Variants in MACROD2 observed in about 807,000 individuals in gnomAD.
MACROD2 encodes mono-ADP ribosylhydrolase 2.
Under a neutral mutation model 70.4 loss-of-function variants are expected in MACROD2, and 36 were observed. That is an observed-to-expected ratio of 0.51 (90% CI 0.39 to 0.68). MACROD2 has a LOEUF of 0.68. Among genes scored for constraint, MACROD2 ranks in the 30% least tolerant of loss-of-function variants. The pLI is 0.00. For synonymous variants in MACROD2, 172 were observed against 178.8 expected (o/e 0.96, Z 0.30); for missense variants, 496 against 538.4 (o/e 0.92, Z 0.78).
intron 3 of MACROD2, among the ~76,000 whole-genome samples, chr20:14,490,298 C>T (rs930219418): frequency 1.3e-5 from 2 of 152,166 alleles, no homozygotes; most frequent in Non-Finnish European, 2.9e-5. Flanking sequence ...CCATATTTGA[C>T]ACTATCAAAT....
chr20:15,250,212 T>G (rs2077142984), intron 6 of MACROD2, among the ~76,000 whole-genome samples: 1 of 152,176 alleles, frequency 6.6e-6, no homozygotes, highest in Admixed American at 6.5e-5. Flanking sequence ...CCACACAGCT[T>G]AAGGTGCACT....
intron 6 of MACROD2, among the ~76,000 whole-genome samples, chr20:15,344,266 G>A (rs2078140257): frequency 6.6e-6 from 1 of 152,008 alleles, no homozygotes; most frequent in African/African-American, 2.4e-5. Context: ...ACTAGTTCAT[G>A]CTCTTTTCTC....
intron 12 of MACROD2, among the ~76,000 whole-genome samples, chr20:15,963,097 A>G (rs948770984): frequency 1.1e-4 from 17 of 152,228 alleles, no homozygotes; most frequent in Admixed American, 5.2e-4. Flanking sequence ...CAGAGATTCT[A>G]TAGAGCAGGC....
At chr20:14,043,069 TC>T (rs2053416430) in intron 2 of MACROD2, among the ~76,000 whole-genome samples, 1 of 152,066 alleles carries the variant, frequency 6.6e-6, no homozygotes, top group Non-Finnish European at 1.5e-5. Flanking sequence ...CAGGTTCACA[TC>T]ACCATGCCTG....
At chr20:15,911,189 C>T (rs540909430) in intron 10 of MACROD2, among the ~76,000 whole-genome samples, 100 of 152,222 alleles carry the variant, frequency 6.6e-4, no homozygotes, top group Non-Finnish European at 1.1e-3. Flanking sequence ...ACTCTGGGAC[C>T]GGGAGGTGCA....
chr20:15,414,561 C>T (rs1167279728), intron 6 of MACROD2, among the ~76,000 whole-genome samples: 24 of 152,164 alleles, frequency 1.6e-4, no homozygotes, highest in Admixed American at 1.6e-3. Context: ...ATGTGCTTAT[C>T]AGGATGAGAG....
At chr20:15,409,869 G>C (rs1486923271) in intron 6 of MACROD2, among the ~76,000 whole-genome samples, 2 of 152,116 alleles carry the variant, frequency 1.3e-5, no homozygotes, top group Non-Finnish European at 2.9e-5. Context: ...AGCTTTGAGG[G>C]GCCACGGGTG....
At chr20:15,891,039 C>T (rs991940296) in intron 10 of MACROD2, among the ~76,000 whole-genome samples, 1 of 152,048 alleles carries the variant, frequency 6.6e-6, no homozygotes, top group African/African-American at 2.4e-5. Flanking sequence ...AGGAGACATA[C>T]AATAAAGGGA....
chr20:15,583,930 C>T (rs1355297733), intron 8 of MACROD2, among the ~76,000 whole-genome samples: 1 of 152,258 alleles, frequency 6.6e-6, no homozygotes, highest in Non-Finnish European at 1.5e-5. Flanking sequence ...TAAGCCACAA[C>T]ACCCGGCCTG....
chr20:14,488,547 T>G (rs2084760247), intron 3 of MACROD2, among the ~76,000 whole-genome samples: 1 of 152,194 alleles, frequency 6.6e-6, no homozygotes, highest in Non-Finnish European at 1.5e-5. Context: ...CATGTTGTTT[T>G]CTATAACCAC....
At position 14,695,795 on chromosome 20, in the gene MACROD2, A is replaced by G. The variant is rs1312997154; in HGVS notation, c.418+10836A>G. ...CAGCCCTGGCTGACAGCTTGACTCCAACATCATGAAAGACCCTGAGCCAGA... is the reference window on the plus strand; with the variant it reads ...CAGCCCTGGCTGACAGCTTGACTCCGACATCATGAAAGACCCTGAGCCAGA... On this transcript the variant is annotated intron_variant, in intron 5 of 17. Coordinates refer to ENST00000684519, the MANE Select transcript of MACROD2 (RefSeq NM_001351661.2). Among the ~76,000 whole-genome samples the G allele has an allele frequency of 2.0e-5, 3 of 152,348 alleles. No individual in the cohort carries two copies. The East Asian group carries it at 5.8e-4, about 29-fold the overall frequency.
At chr20:14,830,925 T>A (rs1283431391) in intron 5 of MACROD2, among the ~76,000 whole-genome samples, 7 of 152,122 alleles carry the variant, frequency 4.6e-5, no homozygotes, top group African/African-American at 1.2e-4. Flanking sequence ...AAAATATATT[T>A]AAAAAAATAA....
chr20:14,886,517 A>G (rs2073677911), intron 5 of MACROD2, among the ~76,000 whole-genome samples: 2 of 152,150 alleles, frequency 1.3e-5, no homozygotes. Flanking sequence ...TTCACATCCC[A>G]AATCCTCCCA....
chr20:15,809,736 G>T (rs1336304451), intron 8 of MACROD2, among the ~76,000 whole-genome samples: 1 of 152,076 alleles, frequency 6.6e-6, no homozygotes, highest in Non-Finnish European at 1.5e-5. Context: ...AATTTGGAAA[G>T]GTCAAGCATC....
At chr20:14,491,099 G>A (rs1469476981) in intron 3 of MACROD2, among the ~76,000 whole-genome samples, 1 of 152,112 alleles carries the variant, frequency 6.6e-6, no homozygotes, top group Admixed American at 6.6e-5. Flanking sequence ...TCTGTAAAAT[G>A]GAAGAAGTAA....
chr20:15,422,750 G>T lies in MACROD2; in HGVS notation c.541-8655G>T, dbSNP rs144022610. Among the ~76,000 whole-genome samples the T allele has an allele frequency of 2.6e-5, 4 of 152,290 alleles. No homozygotes were observed. In the East Asian group the frequency reaches 7.7e-4, roughly 29 times the overall value. ...ACCTTTATCTTGAGCTATAGAGAAG[G>T]ATAAGAGGCTGTTTCATAGCATCAC... On this transcript the variant is annotated intron_variant, in intron 6 of 17. Transcript: ENST00000684519.
At position 14,869,928 on chromosome 20, in the gene MACROD2, A is replaced by G. The variant is rs147647044; in HGVS notation, c.418+184969A>G. Among the ~76,000 whole-genome samples, 30 of 152,258 alleles carry G rather than the reference A, an allele frequency of 2.0e-4. No homozygotes were observed. In the South Asian group the frequency reaches 3.1e-3, roughly 16 times the overall value. On this transcript the variant is annotated intron_variant, in intron 5 of 17. Coordinates refer to ENST00000684519, the MANE Select transcript of MACROD2 (RefSeq NM_001351661.2). ...TGCACCATACAACCATTCAGGAACCAGGGCTCATGGAGGCTCTGCTATTTT... is the reference window on the plus strand; with the variant it reads ...TGCACCATACAACCATTCAGGAACCGGGGCTCATGGAGGCTCTGCTATTTT...
At chr20:15,910,188 C>G (rs2065215002) in intron 10 of MACROD2, among the ~76,000 whole-genome samples, 1 of 152,136 alleles carries the variant, frequency 6.6e-6, no homozygotes, top group Non-Finnish European at 1.5e-5. Context: ...TTGCTGACTC[C>G]AAATTCTGTT....
rs2081351509 is a variant in MACROD2 at position 14,187,132 on chromosome 20, A to T, written c.271+101404A>T. ...AAGTTGAGAAAGAATGCAAAAGTTT[A>T]AAAAAGGAAAAAAAAAAAAAAAAAA... On this transcript the variant is annotated intron_variant, in intron 3 of 17. Coordinates refer to ENST00000684519, the MANE Select transcript of MACROD2 (RefSeq NM_001351661.2). Among the ~76,000 whole-genome samples the T allele has an allele frequency of 3.1e-5, 4 of 129,590 alleles. No individual in the cohort carries two copies. The Admixed American group carries it at 3.4e-4, about 11-fold the overall frequency. The allele number at this position is 129,590 out of a possible 152,430, so 85.0% of individuals were successfully genotyped here.
Sources: gnomAD v4.1 joint callset for allele counts (sites outside exome capture counted in the v4.1 genomes callset) on GRCh38, gnomAD v4.1.1 for gene constraint, MANE v1.5 for transcripts, NCBI Gene and HGNC (gene_info 2026-07-23, HGNC 2026-07-21) for gene names.